Variants in NIN observed in about 807,000 individuals in gnomAD.
The protein encoded by NIN is glycogen synthase kinase 3 beta-interacting protein.
A neutral mutation model predicts 257.6 loss-of-function variants in NIN; 137 were observed. That is an observed-to-expected ratio of 0.53 (90% CI 0.46 to 0.61). The LOEUF is 0.61. NIN is among the 20% of genes least tolerant of loss of function. The pLI, the probability that NIN is intolerant of heterozygous loss-of-function variation, is 0.00. For missense variants in NIN, 2,439 were observed against 2,501.2 expected (o/e 0.98, Z 0.53); for synonymous variants, 918 against 919.8 (o/e 1.00, Z 0.04).
chr14:50,793,475 C>A (rs2043692571), intron 4 of NIN, among the ~76,000 whole-genome samples: 1 of 152,060 alleles, frequency 6.6e-6, no homozygotes, highest in Non-Finnish European at 1.5e-5. Flanking sequence ...AACCCGGCAT[C>A]AAGATCTCAT....
At chr14:50,770,816 G>C in intron 11 of NIN, 36 bp downstream of exon 11, 1 of 1,597,994 alleles carries the variant, frequency 6.3e-7, no homozygotes, top group Non-Finnish European at 8.5e-7. Flanking sequence ...GGGCCAGGGT[G>C]GTGGGTGAGG....
At chr14:50,793,238 A>C (rs2043680047) in intron 4 of NIN, among the ~76,000 whole-genome samples, 1 of 152,084 alleles carries the variant, frequency 6.6e-6, no homozygotes, top group Non-Finnish European at 1.5e-5. Context: ...CATCATATTA[A>C]CAAAGAGACA....
At chr14:50,782,174 G>A (rs891750942) in intron 5 of NIN, among the ~76,000 whole-genome samples, 3 of 152,100 alleles carry the variant, frequency 2.0e-5, no homozygotes, top group Admixed American at 2.0e-4. Context: ...CCGTTTATAT[G>A]TTATGGGTAG....
At chr14:50,749,910 T>A (rs2041716721) in intron 21 of NIN, among the ~76,000 whole-genome samples, 2 of 152,064 alleles carry the variant, frequency 1.3e-5, no homozygotes, top group African/African-American at 4.8e-5. Flanking sequence ...CCAGGCTGGT[T>A]GCAAACTCCT....
At chr14:50,778,655 C>T (rs889695021) in intron 6 of NIN, 110 bp downstream of exon 6, 3 of 926,032 alleles carry the variant, frequency 3.2e-6, no homozygotes, top group Non-Finnish European at 5.3e-6. Context: ...TGCTGTTGTT[C>T]TTAATGTTAA....
At position 50,753,788 on chromosome 14, in the gene NIN, C is replaced by T. The variant is rs371064192; in HGVS notation, c.4734+775G>A. ...ATCCTTTTAAATACTAGATATCAATCTTTACTTCTTGCTAATTCAATAGGT... is the reference window on the plus strand; with the variant it reads ...ATCCTTTTAAATACTAGATATCAATTTTTACTTCTTGCTAATTCAATAGGT... On this transcript the variant is annotated intron_variant, in intron 20 of 30. Coordinates refer to ENST00000530997, the MANE Select transcript of NIN (RefSeq NM_020921.4). 1.1e-3 allele frequency among the ~76,000 whole-genome samples: 172 copies of T among 152,202 alleles called. 1 individual carries two copies. In the South Asian group the frequency reaches 0.033, roughly 29 times the overall value.
Position 50,756,717 on chromosome 14 carries a change from AG to A in NIN, c.4312del (p.Leu1438Ter). ...CTGAAAATGTTTGTCTTGAAAGCCTAGGAGAGTAGTGTTTTCCTCCAGTATA... is the reference window on the plus strand; with the variant it reads ...CTGAAAATGTTTGTCTTGAAAGCCTAGAGAGTAGTGTTTTCCTCCAGTATA... ...QVILEENTTLLGFQDKHFQHQ... is the reference protein window; with the variant it reads ...QVILEENTTLXGFQDKHFQHQ... On this transcript the variant is annotated frameshift_variant, in exon 18 of 31. Coordinates refer to ENST00000530997, the MANE Select transcript of NIN (RefSeq NM_020921.4). LOFTEE classifies it high-confidence loss of function. 1.9e-6 allele frequency: 3 copies of A among 1,551,674 alleles called. No individual in the cohort carries two copies. In the South Asian group the frequency reaches 3.6e-5, roughly 18 times the overall value.
chr14:50,760,336 C>T lies in NIN; in HGVS notation c.1920G>A (p.Leu640=). The change falls in exon 17 of 31, where the codon CTG becomes CTA. Residue 640 remains leucine (L), a synonymous_variant. Coordinates refer to ENST00000530997, the MANE Select transcript of NIN (RefSeq NM_020921.4). ...EDKVRHYEKQ[L]DETVVSCKKA... is the part of the protein sequence containing the mutation. ...TCTTGCAGCTGACCACGGTTTCGTCCAGCTGCTTTTCATAATGGCGCACCT... is the reference window on the plus strand; with the variant it reads ...TCTTGCAGCTGACCACGGTTTCGTCTAGCTGCTTTTCATAATGGCGCACCT... 6.2e-7 allele frequency: 1 copy of T among 1,605,482 alleles called. No individual in the cohort carries two copies. Among genetic ancestry groups the T allele is most frequent in the South Asian group, 1.1e-5 (1 of 91,048 alleles).
Position 50,735,560 on chromosome 14 carries a change from C to T in NIN, c.5833G>A (p.Gly1945Ser). The T allele has an allele frequency of 2.5e-6, 4 of 1,612,936 alleles. No individual in the cohort carries two copies. Among genetic ancestry groups the T allele is most frequent in the Non-Finnish European group, 3.4e-6 (4 of 1,179,952 alleles). Residue 1945 changes from glycine (G) to serine (S), a missense_variant, in exon 28 of 31, where the codon GGC (glycine) becomes AGC (serine). Gly to Ser is a moderately conservative substitution (Grantham distance 56, BLOSUM62 0). Coordinates refer to ENST00000530997, the MANE Select transcript of NIN (RefSeq NM_020921.4). ...ELETIHLENE[G>S]LKKKQVKLDE... is the part of the protein sequence containing the mutation. ...AGTTTTACTTGTTTCTTTTTCAGGCCTTCATTTTCCAAATGAATTGTTTCT... is the reference window on the plus strand; with the variant it reads ...AGTTTTACTTGTTTCTTTTTCAGGCTTTCATTTTCCAAATGAATTGTTTCT...
intron 4 of NIN, among the ~76,000 whole-genome samples, chr14:50,798,816 A>C (rs1280145044): frequency 6.6e-6 from 1 of 152,138 alleles, no homozygotes; most frequent in Non-Finnish European, 1.5e-5. Flanking sequence ...GTCTCGCTCT[A>C]TTGCCAGGCT....
intron 4 of NIN, among the ~76,000 whole-genome samples, chr14:50,797,487 T>A (rs2142079113): frequency 6.6e-6 from 1 of 152,136 alleles, no homozygotes; most frequent in South Asian, 2.1e-4. Flanking sequence ...GAAATCCGTT[T>A]GAAAAGGAAA....
intron 4 of NIN, among the ~76,000 whole-genome samples, chr14:50,801,730 A>C (rs1437207715): frequency 6.6e-6 from 1 of 152,260 alleles, no homozygotes; most frequent in African/African-American, 2.4e-5. Context: ...TCTTCAAAAT[A>C]TAAAGAAAAT....
At chr14:50,782,415 T>C (rs980254930) in intron 5 of NIN, among the ~76,000 whole-genome samples, 1 of 152,194 alleles carries the variant, frequency 6.6e-6, no homozygotes, top group Admixed American at 6.5e-5. Context: ...TAATGATACA[T>C]TATAATGCAG....
Position 50,756,580 on chromosome 14 carries a change from G to A in NIN, c.4450C>T (p.His1484Tyr). The A allele has an allele frequency of 6.2e-7, 1 of 1,610,056 alleles. No individual in the cohort carries two copies. Among genetic ancestry groups the A allele is most frequent in the East Asian group, 2.2e-5 (1 of 44,840 alleles). ...ILVKQKDVLS[H>Y]GEKEEELKAM... Reference sequence around the variant, plus strand: ...TTCAGCTCTTCCTCCTTTTCTCCGTGAGAAAGTACATCTTTTTGCTTAACT... The same window carrying A: ...TTCAGCTCTTCCTCCTTTTCTCCGTAAGAAAGTACATCTTTTTGCTTAACT... The change falls in exon 18 of 31, where the codon CAC becomes TAC. Residue 1484 changes from histidine (H) to tyrosine (Y), a missense_variant. This residue lies in a region of NIN where 2,043 missense variants were observed against 2,050.2 expected (regional missense o/e 1.00). Transcript: ENST00000530997.
At chr14:50,750,030 T>C (rs1009068032) in intron 21 of NIN, among the ~76,000 whole-genome samples, 2 of 152,172 alleles carry the variant, frequency 1.3e-5, no homozygotes, top group African/African-American at 2.4e-5. Flanking sequence ...CATAATTATA[T>C]TTATTTTATT....
chr14:50,754,749 C>T lies in NIN; in HGVS notation c.4657G>A (p.Glu1553Lys), dbSNP rs762326929. The T allele has an allele frequency of 6.3e-7, 1 of 1,586,436 alleles. No individual in the cohort carries two copies. Among genetic ancestry groups the T allele is most frequent in the Non-Finnish European group, 8.6e-7 (1 of 1,165,054 alleles). Reference sequence around the variant, plus strand: ...TGTAAGTATACGTCTTACCACATTTCTTCCTGAGATCCATTTAATGTCCCT... The same window carrying T: ...TGTAAGTATACGTCTTACCACATTTTTTCCTGAGATCCATTTAATGTCCCT... ...KLGTLNGSQE[E>K]MWQKTETVKQ... The change falls in exon 19 of 31, where the codon GAA (glutamate) becomes AAA (lysine). Residue 1553 changes from glutamate to lysine, a missense_variant. Coordinates refer to ENST00000530997, the MANE Select transcript of NIN (RefSeq NM_020921.4).
chr14:50,826,898 T>C (rs2045481355), intron 2 of NIN, among the ~76,000 whole-genome samples: 1 of 152,200 alleles, frequency 6.6e-6, no homozygotes, highest in Non-Finnish European at 1.5e-5. Context: ...TCATAATAGA[T>C]GCTTTTGGAC....
At chr14:50,748,267 G>A (rs564976828) in intron 21 of NIN, among the ~76,000 whole-genome samples, 162 bp from the exon 22 acceptor site, 12 of 152,208 alleles carry the variant, frequency 7.9e-5, no homozygotes, top group African/African-American at 2.9e-4. Flanking sequence ...TAAATGGCAT[G>A]GAAAATTCAA....
At chr14:50,768,911 C>T (rs937933861) in intron 12 of NIN, among the ~76,000 whole-genome samples, 3 of 152,148 alleles carry the variant, frequency 2.0e-5, no homozygotes, top group African/African-American at 7.2e-5. Context: ...ATCTGAGAGT[C>T]ACTTTGGAGC....
Sources: allele counts gnomAD v4.1 joint callset (sites outside exome capture counted in the v4.1 genomes callset), GRCh38; gene constraint gnomAD v4.1.1; regional missense constraint gnomAD v4.1.1; transcripts MANE v1.5; gene names NCBI Gene and HGNC (gene_info 2026-07-23, HGNC 2026-07-21).